Variants in SNX9 observed in about 807,000 individuals in gnomAD.
SNX9 encodes the protein sorting nexin-9.
In SNX9, 44 loss-of-function variants were observed where a neutral mutation model predicts 89.4. The ratio of observed to expected loss-of-function variants is 0.49; its 90% confidence interval spans 0.39 to 0.63. The LOEUF (loss-of-function observed/expected upper bound fraction) is 0.63. SNX9 is among the 30% of genes least tolerant of loss of function. SNX9 has a pLI of 0.00. For missense variants in SNX9, 578 were observed against 736.1 expected (o/e 0.79, Z 2.49); for synonymous variants, 236 against 247.8 (o/e 0.95, Z 0.45).
At chr6:157,879,557 C>T (rs936350520) in intron 4 of SNX9, among the ~76,000 whole-genome samples, 2 of 152,182 alleles carry the variant, frequency 1.3e-5, no homozygotes, top group Non-Finnish European at 2.9e-5. Flanking sequence ...ATTTTATTAC[C>T]TTTGAAAAGA....
chr6:157,876,768 C>T (rs36063627), intron 4 of SNX9, among the ~76,000 whole-genome samples: 6,303 of 152,310 alleles, frequency 0.041, 172 homozygotes, highest in Middle Eastern at 0.075. Flanking sequence ...TTTGAGGCCC[C>T]GCGCCCTTTC....
At chr6:157,920,490 C>CGTGGG (rs1452186554) in intron 9 of SNX9, among the ~76,000 whole-genome samples, 1 of 152,190 alleles carries the variant, frequency 6.6e-6, no homozygotes, top group Non-Finnish European at 1.5e-5. Context: ...ATGTCGAACA[C>CGTGGG]GTGGGGTGGG....
intron 1 of SNX9, among the ~76,000 whole-genome samples, chr6:157,835,002 A>G (rs549038359): frequency 6.6e-6 from 1 of 152,278 alleles, no homozygotes; most frequent in South Asian, 2.1e-4. Context: ...ACCAAAAAGT[A>G]TAGACATTTT....
At chr6:157,827,639 G>A (rs548118984) in intron 1 of SNX9, among the ~76,000 whole-genome samples, 6 of 142,852 alleles carry the variant, frequency 4.2e-5, no homozygotes, top group Non-Finnish European at 6.0e-5. Context: ...CAGTCATCCT[G>A]TTTTATTTAA....
chr6:157,920,812 T>C (rs1371767311), intron 9 of SNX9, among the ~76,000 whole-genome samples: 2 of 152,262 alleles, frequency 1.3e-5, no homozygotes, highest in Non-Finnish European at 2.9e-5. Context: ...TTGATGTTTG[T>C]TATGCTATTC....
chr6:157,841,502 G>A (rs1361831399), intron 1 of SNX9, among the ~76,000 whole-genome samples: 2 of 152,130 alleles, frequency 1.3e-5, no homozygotes, highest in Admixed American at 6.5e-5. Flanking sequence ...GTCCAAACAG[G>A]TTTCCCCCAG....
Position 157,838,558 on chromosome 6 carries a change from A to C in SNX9, c.12+15112A>C, listed in dbSNP as rs568546475. Among the ~76,000 whole-genome samples, 262 of 152,298 alleles carry C rather than the reference A, an allele frequency of 1.7e-3. 1 individual carries two copies. The highest frequency in any genetic ancestry group is 5.5e-3 in the African/African-American group (230 of 41,550). ...TGTTTCCCTCCATTTAGCCATTGGA[A>C]ACTTAAGAGTAAAAATAAATGTATA... On this transcript the variant is annotated intron_variant, in intron 1 of 17. Transcript: ENST00000392185.
intron 4 of SNX9, among the ~76,000 whole-genome samples, chr6:157,880,268 C>T (rs1321350948): frequency 6.6e-6 from 1 of 152,274 alleles, no homozygotes; most frequent in Middle Eastern, 3.4e-3. Flanking sequence ...AAAGTAGTGC[C>T]GGACACATGG....
chr6:157,844,618 G>T (rs1781769164), intron 1 of SNX9, among the ~76,000 whole-genome samples: 1 of 120,178 alleles, frequency 8.3e-6, no homozygotes, highest in African/African-American at 3.6e-5. Flanking sequence ...TTTTGAGACA[G>T]AGTCTCACTC....
chr6:157,899,282 G>C (rs1035348203), intron 5 of SNX9, among the ~76,000 whole-genome samples: 13 of 151,950 alleles, frequency 8.6e-5, no homozygotes, highest in African/African-American at 2.9e-4. Flanking sequence ...CCCCTTTATT[G>C]TTAGTGTTAA....
chr6:157,862,424 C>T (rs1782156921), intron 1 of SNX9, among the ~76,000 whole-genome samples: 1 of 152,054 alleles, frequency 6.6e-6, no homozygotes, highest in Non-Finnish European at 1.5e-5. Context: ...GAAATATTAC[C>T]TACTCTTTAT....
chr6:157,906,770 C>A (rs1280615185), intron 7 of SNX9, among the ~76,000 whole-genome samples: 3 of 152,216 alleles, frequency 2.0e-5, no homozygotes, highest in African/African-American at 7.2e-5. Flanking sequence ...CCTTCGGTTT[C>A]ATTCCACATT....
At chr6:157,921,119 C>G (rs919947198) in intron 9 of SNX9, among the ~76,000 whole-genome samples, 2 of 152,210 alleles carry the variant, frequency 1.3e-5, no homozygotes, top group Non-Finnish European at 2.9e-5. Flanking sequence ...ACTCATCACT[C>G]CTTTCTTGCT....
chr6:157,884,260 C>G (rs1223506144), intron 4 of SNX9, among the ~76,000 whole-genome samples: 1 of 152,038 alleles, frequency 6.6e-6, no homozygotes, highest in Non-Finnish European at 1.5e-5. Flanking sequence ...TAACATTTTT[C>G]TCTACAGAGA....
chr6:157,930,675 G>C (rs544071410), intron 12 of SNX9, among the ~76,000 whole-genome samples: 5 of 152,308 alleles, frequency 3.3e-5, no homozygotes, highest in Non-Finnish European at 7.3e-5. Flanking sequence ...TCTAATGCCT[G>C]ATAATCTGAG....
rs1258185725 is a variant in SNX9 at position 157,901,994 on chromosome 6, A to G, written c.569A>G (p.Gln190Arg). 1 of 1,613,922 alleles carries G rather than the reference A, an allele frequency of 6.2e-7. No individual in the cohort carries two copies. The highest frequency in any genetic ancestry group is 1.3e-5 in the African/African-American group (1 of 74,888). Residue 190 changes from glutamine to arginine, a missense_variant, in exon 6 of 18, where the codon CAG (glutamine) becomes CGG (arginine). Around this residue, in one of 2 missense-constraint regions of SNX9, gnomAD observed 230 missense variants for 244.7 expected, o/e 0.94. Coordinates refer to ENST00000392185, the MANE Select transcript of SNX9 (RefSeq NM_016224.5). ...GAGTCAGCTGATGCAGGCGGCGCTC[A>G]GCGAGGAAACAGTCGTGCTAGTTCC... ...DSESADAGGAQRGNSRASSSS... is the reference protein window; with the variant it reads ...DSESADAGGARRGNSRASSSS...
At chr6:157,919,939 A>C (rs1261689351) in intron 9 of SNX9, among the ~76,000 whole-genome samples, 2 of 151,856 alleles carry the variant, frequency 1.3e-5, no homozygotes, top group African/African-American at 4.8e-5. Flanking sequence ...GTCTCCCTGG[A>C]AGTTCAGTTA....
chr6:157,858,781 G>A (rs1782063089), intron 1 of SNX9, among the ~76,000 whole-genome samples: 1 of 152,174 alleles, frequency 6.6e-6, no homozygotes, highest in Non-Finnish European at 1.5e-5. Flanking sequence ...ATCTTACATG[G>A]CAGCAGGCAA....
At chr6:157,831,486 C>T (rs993254628) in intron 1 of SNX9, among the ~76,000 whole-genome samples, 2 of 152,212 alleles carry the variant, frequency 1.3e-5, no homozygotes, top group African/African-American at 4.8e-5. Flanking sequence ...CATTTCCTTG[C>T]ACACAGGTTT....
Sources: allele counts gnomAD v4.1 joint callset (sites outside exome capture counted in the v4.1 genomes callset), GRCh38; gene constraint gnomAD v4.1.1; regional missense constraint gnomAD v4.1.1; transcripts MANE v1.5; gene names NCBI Gene and HGNC (gene_info 2026-07-23, HGNC 2026-07-21).